The following MEF2C variants were observed in gnomAD, a reference collection of about 807,000 sequenced individuals.
MEF2C encodes myocyte enhancer factor 2C, also known as myocyte-specific enhancer factor 2C.
Under a neutral mutation model 50.5 loss-of-function variants are expected in MEF2C, and 6 were observed. The observed-to-expected ratio is 0.12, with a 90% CI of 0.07 to 0.23. The LOEUF (loss-of-function observed/expected upper bound fraction) is 0.23. Ranked by LOEUF, MEF2C falls within the 10% of genes least tolerant of loss-of-function variation. The probability of loss-of-function intolerance (pLI) is 1.00; values close to 1 mark genes in which losing one functional copy is unlikely to be tolerated. For missense variants in MEF2C, 276 were observed against 605.0 expected, an observed-to-expected ratio of 0.46 and a Z score of 5.70; for synonymous variants, 183 against 228.0, an observed-to-expected ratio of 0.80 and a Z score of 1.78.
rs1759972784 is a variant in MEF2C, at chr5:88,728,638, A to C, written c.965-10T>G. The C allele has an allele frequency of 7.3e-7, 1 of 1,378,384 alleles. No homozygotes were observed. Among genetic ancestry groups the C allele is most frequent in the Non-Finnish European group, 9.5e-7 (1 of 1,055,920 alleles). 85.4% of individuals were successfully genotyped at this position (1,378,384 alleles called of 1,614,324 possible). On this transcript the variant is annotated splice_polypyrimidine_tract_variant and intron_variant, in intron 9 of 10. Transcript: ENST00000504921. The stretch of plus-strand genomic sequence containing the variant: ...CTACTCAGAGAGTACTCTAGATTAA[A>C]GAATAAAACAACAAGGGAAAATATT...
rs1755486760 is a variant in MEF2C, at chr5:88,719,269, TTCA to T, written c.*3332_*3334del. The T allele has an allele frequency of 6.6e-6, 1 of 152,304 alleles. No individual in the cohort carries two copies. Among genetic ancestry groups the T allele is most frequent in the East Asian group, 1.9e-4 (1 of 5,196 alleles). 9.4% of individuals were successfully genotyped at this position (152,304 alleles called of 1,614,324 possible). On this transcript the variant is annotated 3_prime_UTR_variant, in exon 11 of 11. Coordinates refer to ENST00000504921, the MANE Select transcript of MEF2C (RefSeq NM_002397.5). ...TCTGGGGATGACAGGTATTTTTATA[TTCA>T]TCATTACAAAATGCTAAATTCCACC...
At chr5:88,823,975 G>T in intron 1 of MEF2C, 45 bp from the exon 2 acceptor site, 1 of 1,365,908 alleles carries the variant, frequency 7.3e-7, no homozygotes, top group Non-Finnish European at 9.5e-7. Context: ...CAGCAAGTCA[G>T]TTTCATAAGA....
At chr5:88,784,766 C>T (rs1790005991) in intron 3 of MEF2C, among the ~76,000 whole-genome samples, 1 of 152,132 alleles carries the variant, frequency 6.6e-6, no homozygotes, top group South Asian at 2.1e-4. Context: ...GGCTTTGTCC[C>T]TGGAATACAG....
intron 1 of MEF2C, among the ~76,000 whole-genome samples, chr5:88,859,162 T>C (rs1824602104): frequency 6.6e-6 from 1 of 152,204 alleles, no homozygotes; most frequent in African/African-American, 2.4e-5. Flanking sequence ...TGTGGGTTCA[T>C]GTGAGAAAAT....
intron 6 of MEF2C, chr5:88,740,505 A>C: frequency 1.0e-6 from 1 of 982,314 alleles, no homozygotes; most frequent in South Asian, 4.7e-5. Context: ...ACTGAGGCTT[A>C]AGAAGCTTCC....
At chr5:88,879,281 T>C (rs1832071386) in intron 1 of MEF2C, among the ~76,000 whole-genome samples, 1 of 151,682 alleles carries the variant, frequency 6.6e-6, no homozygotes, top group Non-Finnish European at 1.5e-5. Context: ...TTTCAAAATG[T>C]TATTATGTAA....
intron 2 of MEF2C, among the ~76,000 whole-genome samples, chr5:88,805,072 A>T (rs1799811414): frequency 6.6e-6 from 1 of 152,186 alleles, no homozygotes; most frequent in Non-Finnish European, 1.5e-5. Flanking sequence ...GGAACTGGTC[A>T]TGTTTCTTTG....
chr5:88,872,839 C>T (rs1193940296), intron 1 of MEF2C, among the ~76,000 whole-genome samples: 4 of 151,840 alleles, frequency 2.6e-5, no homozygotes, highest in Admixed American at 6.6e-5. Context: ...CAGTTTTGGT[C>T]GTTGTTCTTA....
At chr5:88,786,662 A>C (rs1201433377) in intron 3 of MEF2C, among the ~76,000 whole-genome samples, 2 of 152,204 alleles carry the variant, frequency 1.3e-5, no homozygotes, top group Admixed American at 6.5e-5. Context: ...AGAAAACAAA[A>C]AATAAAGGCT....
Position 88,735,221 on chromosome 5 carries a change from G to C in MEF2C, c.638-3320C>G, listed in dbSNP as rs974437619. On this transcript the variant is annotated intron_variant, in intron 6 of 10. Transcript: ENST00000504921. Reference sequence around the variant, plus strand: ...CTCCTCACTCAGAATGCTGCGGCCTGTGTTGAGCCTGTTGTCCCACCTTAA... The same window carrying C: ...CTCCTCACTCAGAATGCTGCGGCCTCTGTTGAGCCTGTTGTCCCACCTTAA... 4 of 985,266 alleles carry C rather than the reference G, an allele frequency of 4.1e-6. No individual in the cohort carries two copies. In the African/African-American group the frequency reaches 7.0e-5, roughly 17 times the overall value. The allele number at this position is 985,266 out of a possible 1,614,324, so 61.0% of individuals were successfully genotyped here. A position where few individuals can be genotyped will look rare whatever the true frequency, so the allele number is the denominator to read the frequency against.
chr5:88,814,279 G>A (rs1236914442), intron 2 of MEF2C, among the ~76,000 whole-genome samples: 2 of 151,392 alleles, frequency 1.3e-5, no homozygotes, highest in African/African-American at 2.4e-5. Flanking sequence ...CGAGCTTTAG[G>A]CCCGATGATT....
At chr5:88,842,646 T>C (rs965304938) in intron 1 of MEF2C, among the ~76,000 whole-genome samples, 12 of 152,218 alleles carry the variant, frequency 7.9e-5, no homozygotes, top group African/African-American at 2.9e-4. Context: ...TGTGATAGTT[T>C]CCTTGTCATA....
intron 1 of MEF2C, chr5:88,825,533 A>T (rs962822921): frequency 1.0e-6 from 1 of 983,106 alleles, no homozygotes; most frequent in African/African-American, 1.7e-5. Context: ...TTATAGAAAT[A>T]ACACACATTT....
intron 1 of MEF2C, among the ~76,000 whole-genome samples, chr5:88,902,933 C>T (rs2537514): frequency 0.29 from 42,108 of 145,480 alleles, 6,094 homozygotes; most frequent in African/African-American, 0.32. Context: ...ATGTTTACTA[C>T]GTATAGGCTC....
chr5:88,839,214 T>C (rs964721025), intron 1 of MEF2C: 3 of 152,206 alleles, frequency 2.0e-5, no homozygotes, highest in Admixed American at 6.5e-5. Flanking sequence ...TGTTTGTACA[T>C]ATATAGTACA....
intron 1 of MEF2C, among the ~76,000 whole-genome samples, chr5:88,847,518 G>T (rs747650288): frequency 1.3e-5 from 2 of 151,998 alleles, no homozygotes; most frequent in Non-Finnish European, 2.9e-5. Context: ...AAACATTATT[G>T]AAATGACTGG....
At chr5:88,759,542 C>A (rs536091888) in intron 4 of MEF2C, among the ~76,000 whole-genome samples, 2 of 151,716 alleles carry the variant, frequency 1.3e-5, no homozygotes, top group East Asian at 3.9e-4. Context: ...TTCTTTTTTT[C>A]TTCTAGGCAA....
At chr5:88,740,805 G>A in intron 6 of MEF2C, 1 of 985,224 alleles carries the variant, frequency 1.0e-6, no homozygotes, top group Non-Finnish European at 1.2e-6. Flanking sequence ...AACTATGAAT[G>A]ATAGATTTAT....
At chr5:88,735,271 C>T (rs1763627761) in intron 6 of MEF2C, 4 of 985,352 alleles carry the variant, frequency 4.1e-6, no homozygotes, top group Non-Finnish European at 4.8e-6. Context: ...AGAGAATGGT[C>T]GCATTTAAAT....
Sources: gnomAD v4.1 joint callset for allele counts (sites outside exome capture counted in the v4.1 genomes callset) on GRCh38, gnomAD v4.1.1 for gene constraint, MANE v1.5 for transcripts, NCBI Gene and HGNC (gene_info 2026-07-23, HGNC 2026-07-21) for gene names.